The following PRUNE2 variants were observed in gnomAD, a reference collection of about 807,000 sequenced individuals.
PRUNE2 encodes the protein protein prune homolog 2.
In PRUNE2, 164 loss-of-function variants were observed where a neutral mutation model predicts 252.0. The observed-to-expected ratio is 0.65, with a 90% confidence interval of 0.57 to 0.74. The LOEUF (loss-of-function observed/expected upper bound fraction) is 0.74, where lower values mean the gene tolerates loss of function less well. PRUNE2 is among the 30% of genes least tolerant of loss of function. The pLI is 0.00. For missense variants in PRUNE2, 3,495 were observed against 3,711.0 expected (o/e 0.94, Z 1.51); for synonymous variants, 1,292 against 1,350.2 (o/e 0.96, Z 0.94).
At position 76,711,015 on chromosome 9, in the gene PRUNE2, T is replaced by C. The variant is rs374045110; in HGVS notation, c.1259A>G (p.Asn420Ser). The change falls in exon 8 of 19, where the codon AAT (asparagine) becomes AGT (serine). Residue 420 changes from asparagine (N) to serine (S), a missense_variant. Coordinates refer to ENST00000376718, the MANE Select transcript of PRUNE2 (RefSeq NM_015225.3). Reference protein sequence around the residue: ...NDSNQAQVDANVDLVSPDSGL... With the variant: ...NDSNQAQVDASVDLVSPDSGL... ...GCTGTCTGGGCTAACAAGGTCTACA[T>C]TGGCATCCACCTGAGCCTGGTTAGA... The C allele has an allele frequency of 2.9e-5, 46 of 1,613,910 alleles. No homozygotes were observed. The highest frequency in any genetic ancestry group is 9.3e-5 in the African/African-American group (7 of 75,048).
chr9:76,729,533 T>C (rs2048389551), intron 6 of PRUNE2, among the ~76,000 whole-genome samples: 1 of 152,208 alleles, frequency 6.6e-6, no homozygotes, highest in Non-Finnish European at 1.5e-5. Flanking sequence ...CTTGGCTCTT[T>C]AGAAATGAAA....
chr9:76,695,487 T>C (rs2045297850), intron 9 of PRUNE2, among the ~76,000 whole-genome samples: 1 of 152,202 alleles, frequency 6.6e-6, no homozygotes, highest in Non-Finnish European at 1.5e-5. Context: ...GCTGAAAGAA[T>C]CTTGGAGGAA....
In PRUNE2 at chr9:76,854,939, G is replaced by T. The variant is rs550261354; in HGVS notation, c.37-731C>A. Among the ~76,000 whole-genome samples, 5 of 151,254 alleles carry T rather than the reference G, an allele frequency of 3.3e-5. No homozygotes were observed. In the South Asian group the frequency reaches 1.0e-3, roughly 32 times the overall value. On this transcript the variant is annotated intron_variant, in intron 1 of 18. Transcript: ENST00000376718. ...AAATTAGCCAGGTGTGGTGGCACGT[G>T]CCTGTAGTTCCAGCTATTCAGGAGG...
chr9:76,623,429 G>A (rs898441893), intron 17 of PRUNE2, among the ~76,000 whole-genome samples: 13 of 151,860 alleles, frequency 8.6e-5, no homozygotes, highest in Non-Finnish European at 1.3e-4. Flanking sequence ...CGAGTAGCTC[G>A]GACTATAGGC....
At chr9:76,822,432 T>G (rs186583308) in intron 6 of PRUNE2, among the ~76,000 whole-genome samples, 65 of 152,286 alleles carry the variant, frequency 4.3e-4, no homozygotes, top group Non-Finnish European at 7.8e-4. Flanking sequence ...GCTCTTGGGT[T>G]TTCTGAGGAT....
rs771453792 is a variant in PRUNE2, at chr9:76,705,676, TGTTGTCACC to T, written c.6589_6597del (p.Gly2197_Asn2199del). 6.2e-7 allele frequency: 1 copy of T among 1,613,914 alleles called. No homozygotes were observed. The highest frequency in any genetic ancestry group is 2.2e-5 in the East Asian group (1 of 44,904). On this transcript the variant is annotated inframe_deletion, in exon 8 of 19. Transcript: ENST00000376718. The stretch of plus-strand genomic sequence containing the variant: ...TTTTCTGATACTTGTAAACCTGTAC[TGTTGTCACC>T]GTTTATTTCAGAAGGTTCAGGTGAA...
chr9:76,629,683 T>G (rs554731720), intron 15 of PRUNE2, among the ~76,000 whole-genome samples: 1 of 152,228 alleles, frequency 6.6e-6, no homozygotes, highest in Admixed American at 6.5e-5. Flanking sequence ...CTGGTCACCA[T>G]GTTGTTCAAT....
intron 1 of PRUNE2, among the ~76,000 whole-genome samples, chr9:76,863,546 G>A (rs2060668901): frequency 6.6e-6 from 1 of 152,046 alleles, no homozygotes; most frequent in Admixed American, 6.6e-5. Flanking sequence ...TTTGTTTTCT[G>A]GCCTTGGGCA....
chr9:76,613,058 G>C lies in PRUNE2; in HGVS notation c.*1512C>G, dbSNP rs1240129206. The C allele has an allele frequency of 6.6e-6, 1 of 152,164 alleles. No homozygotes were observed. The allele number at this position is 152,164 out of a possible 1,614,324, so 9.4% of individuals were successfully genotyped here. A position where few individuals can be genotyped will look rare whatever the true frequency, so the allele number is the denominator to read the frequency against. ...TATACTAAAGAAGTGCTTCTAAGAA[G>C]GCTTCATTTTGGCAATTGCAACCTA... On this transcript the variant is annotated 3_prime_UTR_variant, in exon 19 of 19. Transcript: ENST00000376718.
intron 6 of PRUNE2, chr9:76,783,893 T>C (rs995270404): frequency 1.3e-5 from 2 of 152,242 alleles, no homozygotes; most frequent in Admixed American, 6.5e-5. Flanking sequence ...CAGAGGTAAG[T>C]GCTTTATAAA....
chr9:76,873,066 T>C (rs2061306914), intron 1 of PRUNE2, among the ~76,000 whole-genome samples: 1 of 151,944 alleles, frequency 6.6e-6, no homozygotes, highest in African/African-American at 2.4e-5. Context: ...CCAAGGATCA[T>C]CTGAGACCAC....
At chr9:76,685,610 A>G (rs2043998797) in intron 9 of PRUNE2, among the ~76,000 whole-genome samples, 1 of 152,192 alleles carries the variant, frequency 6.6e-6, no homozygotes, top group Admixed American at 6.5e-5. Flanking sequence ...ACACAGAGGG[A>G]AGACCGGAAG....
At chr9:76,677,430 T>G (rs927695963) in intron 9 of PRUNE2, among the ~76,000 whole-genome samples, 2 of 152,208 alleles carry the variant, frequency 1.3e-5, no homozygotes, top group Non-Finnish European at 2.9e-5. Flanking sequence ...AGGCATTGTT[T>G]TCCGTTCCTG....
At chr9:76,723,811 T>C (rs899000758) in intron 6 of PRUNE2, among the ~76,000 whole-genome samples, 56 of 76,954 alleles carry the variant, frequency 7.3e-4, no homozygotes, top group Non-Finnish European at 1.1e-3. Context: ...CATATCTTTC[T>C]TTTTTTTTTT....
chr9:76,868,170 T>C (rs528346778), intron 1 of PRUNE2, among the ~76,000 whole-genome samples: 16 of 152,312 alleles, frequency 1.1e-4, no homozygotes, highest in Non-Finnish European at 4.4e-5. Context: ...AAACCTCATA[T>C]GACTCAGTAC....
chr9:76,762,116 C>T (rs2051792481), intron 6 of PRUNE2, among the ~76,000 whole-genome samples: 2 of 152,156 alleles, frequency 1.3e-5, no homozygotes, highest in Non-Finnish European at 2.9e-5. Flanking sequence ...CAATTTTAAA[C>T]AAAAAGAATG....
intron 6 of PRUNE2, among the ~76,000 whole-genome samples, chr9:76,800,771 T>C (rs1243391488): frequency 6.6e-6 from 1 of 152,198 alleles, no homozygotes; most frequent in Non-Finnish European, 1.5e-5. Context: ...TTTTCATCTA[T>C]TGAAGATTAC....
intron 9 of PRUNE2, among the ~76,000 whole-genome samples, chr9:76,691,152 C>T (rs1415461327): frequency 6.6e-6 from 1 of 152,216 alleles, no homozygotes; most frequent in African/African-American, 2.4e-5. Flanking sequence ...GGGCAGCCAT[C>T]TGGCTGTAAG....
At chr9:76,858,334 G>T (rs1564452599) in intron 1 of PRUNE2, among the ~76,000 whole-genome samples, 1 of 152,168 alleles carries the variant, frequency 6.6e-6, no homozygotes, top group Non-Finnish European at 1.5e-5. Flanking sequence ...ATATGCTGAG[G>T]TGAGGTTCAT....
Sources: gnomAD v4.1 joint callset for allele counts (sites outside exome capture counted in the v4.1 genomes callset) on GRCh38, gnomAD v4.1.1 for gene constraint, MANE v1.5 for transcripts, NCBI Gene and HGNC (gene_info 2026-07-23, HGNC 2026-07-21) for gene names.